EOGT: variants seen among roughly 807,000 people sequenced by gnomAD.
The protein encoded by EOGT is EGF domain-specific O-linked N-acetylglucosamine transferase.
Under a neutral mutation model 70.5 loss-of-function variants are expected in EOGT, and 55 were observed. That is an observed-to-expected ratio of 0.78 (90% CI 0.63 to 0.98). The LOEUF is 0.98. EOGT is among the 50% of genes least tolerant of loss of function. The probability of loss-of-function intolerance (pLI) is 0.00; values close to 1 mark genes in which losing one functional copy is unlikely to be tolerated. For missense variants in EOGT, 703 were observed against 641.9 expected (o/e 1.10, Z -1.03); for synonymous variants, 246 against 217.1 (o/e 1.13, Z -1.17).
intron 3 of EOGT, among the ~76,000 whole-genome samples, chr3:69,010,408 C>T (rs895443865): frequency 6.6e-6 from 1 of 152,116 alleles, no homozygotes; most frequent in Non-Finnish European, 1.5e-5. Flanking sequence ...TTAGTGATAC[C>T]TGAAACTAAA....
chr3:68,987,621 T>C, intron 13 of EOGT, 108 bp from the exon 14 acceptor site: 4 of 790,532 alleles, frequency 5.1e-6, no homozygotes, highest in South Asian at 4.7e-5. Context: ...TCAACCAGGA[T>C]ACATTAATAG....
intron 16 of EOGT, among the ~76,000 whole-genome samples, chr3:68,978,884 T>C (rs1182309968): frequency 1.3e-5 from 2 of 152,218 alleles, no homozygotes; most frequent in Admixed American, 6.5e-5. Flanking sequence ...CCATCCTTCC[T>C]TCTCTCTCTA....
At position 68,982,815 on chromosome 3, in the gene EOGT, A is replaced by T. The variant is rs1156604261; in HGVS notation, c.1210T>A (p.Tyr404Asn). The T allele has an allele frequency of 1.4e-5, 22 of 1,605,990 alleles. No homozygotes were observed. The highest frequency in any genetic ancestry group is 1.9e-5 in the Non-Finnish European group (22 of 1,176,064). ...CTGAGATTGGCTATTACTTACCTATACTTGTAATCAACAATCTGGACTTCA... is the reference window on the plus strand; with the variant it reads ...CTGAGATTGGCTATTACTTACCTATTCTTGTAATCAACAATCTGGACTTCA... ...TFEVQIVDYK[Y>N]RELGFLDQLR... Residue 404 changes from tyrosine to asparagine, a missense_variant, in exon 15 of 18, where the codon TAT (tyrosine) becomes AAT (asparagine). Physicochemically the swap from Tyr to Asn is moderately radical, Grantham distance 143. Coordinates refer to ENST00000383701, the MANE Select transcript of EOGT (RefSeq NM_001278689.2).
At chr3:68,979,529 T>C in intron 16 of EOGT, 139 bp downstream of exon 16, 2 of 969,302 alleles carry the variant, frequency 2.1e-6, no homozygotes, top group Non-Finnish European at 2.9e-6. Context: ...GCCTCTTTTC[T>C]TTCCAGATTG....
At position 69,007,785 on chromosome 3, in the gene EOGT, C is replaced by T; in HGVS notation, c.348G>A (p.Trp116Ter). ...TGGCATATCCAAAGTCAGCTTGTTT[C>T]CAAAATATGTCCTCAGCTGACTCAA... ...DTLESAEDIF[W>*]KQADFGYARE... is the part of the protein sequence containing the mutation. The change falls in exon 6 of 18, where the codon TGG (tryptophan) becomes TGA (stop). Residue 116 changes from tryptophan (W) to a stop codon, truncating the protein, a stop_gained. Coordinates refer to ENST00000383701, the MANE Select transcript of EOGT (RefSeq NM_001278689.2). LOFTEE classifies it high-confidence loss of function. The T allele has an allele frequency of 6.2e-7, 1 of 1,613,016 alleles. No homozygotes were observed. The highest frequency in any genetic ancestry group is 8.5e-7 in the Non-Finnish European group (1 of 1,179,378).
At chr3:68,978,502 C>A (rs568312568) in intron 16 of EOGT, 67 bp from the exon 17 acceptor site, 2 of 1,112,762 alleles carry the variant, frequency 1.8e-6, no homozygotes, top group Non-Finnish European at 2.6e-6. Context: ...AACAACTCTG[C>A]GAAAATAAAA....
At chr3:69,008,365 G>A in intron 5 of EOGT, 63 bp downstream of exon 5, 1 of 1,098,606 alleles carries the variant, frequency 9.1e-7, no homozygotes. Flanking sequence ...GGAAATTAGG[G>A]CATCAACATA....
At chr3:68,996,679 T>C (rs1485765790) in intron 10 of EOGT, among the ~76,000 whole-genome samples, 1 of 152,200 alleles carries the variant, frequency 6.6e-6, no homozygotes, top group Non-Finnish European at 1.5e-5. Context: ...AGCTGTGCTG[T>C]GTGAACTGCT....
chr3:68,999,543 A>AT (rs1381067410), intron 9 of EOGT, among the ~76,000 whole-genome samples: 1 of 152,230 alleles, frequency 6.6e-6, no homozygotes, highest in African/African-American at 2.4e-5. Flanking sequence ...ACAGTGAATA[A>AT]TAACATTGTG....
intron 10 of EOGT, among the ~76,000 whole-genome samples, chr3:68,994,355 C>A (rs956952056): frequency 1.3e-5 from 2 of 151,864 alleles, no homozygotes; most frequent in African/African-American, 4.8e-5. Context: ...TAAAGAGAGT[C>A]CTGCAAGGGA....
At chr3:68,992,981 C>T (rs1330856637) in intron 10 of EOGT, among the ~76,000 whole-genome samples, 1 of 152,234 alleles carries the variant, frequency 6.6e-6, no homozygotes, top group Admixed American at 6.5e-5. Context: ...CCCTAGGCTG[C>T]ATACAGCATG....
At chr3:69,008,226 G>C (rs572743279) in intron 5 of EOGT, among the ~76,000 whole-genome samples, 7 of 152,306 alleles carry the variant, frequency 4.6e-5, no homozygotes, top group African/African-American at 1.7e-4. Context: ...GGTCCTGGCT[G>C]TTTCTCCCTC....
At chr3:68,987,724 TTGTC>T (rs1168451297) in intron 13 of EOGT, 17 of 570,872 alleles carry the variant, frequency 3.0e-5, no homozygotes, top group Non-Finnish European at 5.2e-5. Context: ...GCTCATTACA[TTGTC>T]TGTTTGGTTG....
Position 69,007,804 on chromosome 3 carries a change from G to T in EOGT, c.329C>A (p.Ser110Ter). 6.2e-7 allele frequency: 1 copy of T among 1,610,034 alleles called. No homozygotes were observed. The highest frequency in any genetic ancestry group is 1.1e-5 in the South Asian group (1 of 90,506). ...TTGTTTCCAAAATATGTCCTCAGCT[G>T]ACTCAAGAGTGTCCGTCCTATTTGC... is the stretch of plus-strand genomic sequence containing the variant. ...VDMGWTDTLESAEDIFWKQAD... is the reference protein window; with the variant it reads ...VDMGWTDTLE The change falls in exon 6 of 18, where the codon TCA (serine) becomes TAA (stop). Residue 110 changes from serine to a stop codon, truncating the protein, a stop_gained. Transcript: ENST00000383701. LOFTEE classifies it high-confidence loss of function.
chr3:68,984,395 G>T (rs540616086), intron 14 of EOGT, among the ~76,000 whole-genome samples: 1 of 152,270 alleles, frequency 6.6e-6, no homozygotes, highest in South Asian at 2.1e-4. Context: ...CACATAAAAG[G>T]AATCATGTGT....
chr3:69,001,992 C>T (rs2091306268), intron 8 of EOGT, among the ~76,000 whole-genome samples: 1 of 152,164 alleles, frequency 6.6e-6, no homozygotes, highest in African/African-American at 2.4e-5. Context: ...GAGATCAAGA[C>T]CATCCTGGTC....
At chr3:68,984,730 C>T (rs147611354) in intron 14 of EOGT, among the ~76,000 whole-genome samples, 8 of 152,200 alleles carry the variant, frequency 5.3e-5, no homozygotes, top group Non-Finnish European at 8.8e-5. Context: ...CTGGGCAATG[C>T]GCATGACTGG....
At chr3:69,010,633 T>A (rs990807010) in intron 3 of EOGT, among the ~76,000 whole-genome samples, 1 of 152,228 alleles carries the variant, frequency 6.6e-6, no homozygotes. Context: ...GTAAAGTGTT[T>A]CGAAAACTAT....
chr3:68,994,959 G>C (rs1331541821), intron 10 of EOGT, among the ~76,000 whole-genome samples: 1 of 152,156 alleles, frequency 6.6e-6, no homozygotes, highest in African/African-American at 2.4e-5. Context: ...TTTGCAGGTT[G>C]GTGGCCTTGC....
Sources: allele counts gnomAD v4.1 joint callset (sites outside exome capture counted in the v4.1 genomes callset), GRCh38; gene constraint gnomAD v4.1.1; transcripts MANE v1.5; gene names NCBI Gene and HGNC (gene_info 2026-07-23, HGNC 2026-07-21).